The following ERCC4 variants were observed in gnomAD, a reference collection of about 807,000 sequenced individuals.
ERCC4 encodes ERCC excision repair 4, endonuclease catalytic subunit, also known as DNA repair endonuclease XPF.
A neutral mutation model predicts 76.9 loss-of-function variants in ERCC4; 65 were observed. That is an observed-to-expected ratio of 0.84 (90% confidence interval 0.69 to 1.04). ERCC4 has a LOEUF of 1.04. Among genes scored for constraint, ERCC4 ranks in the 50% least tolerant of loss-of-function variants. ERCC4 has a pLI of 0.00. For synonymous variants in ERCC4, 463 were observed against 410.1 expected (o/e 1.13, Z -1.56); for missense variants, 1,214 against 1,128.2 (o/e 1.08, Z -1.09).
At chr16:13,928,641 G>A (rs1004287399) in intron 4 of ERCC4, among the ~76,000 whole-genome samples, 3 of 152,108 alleles carry the variant, frequency 2.0e-5, no homozygotes, top group African/African-American at 7.2e-5. Context: ...TCATTACTGA[G>A]GAGTGTGAAA....
intron 4 of ERCC4, among the ~76,000 whole-genome samples, 159 bp downstream of exon 4, chr16:13,928,394 A>C (rs2032110196): frequency 2.0e-5 from 3 of 152,242 alleles, no homozygotes; most frequent in Admixed American, 1.3e-4. Flanking sequence ...CTGGAAAGTA[A>C]TAATTTATAG....
chr16:13,928,759 A>G (rs929501722), intron 4 of ERCC4, among the ~76,000 whole-genome samples: 1 of 152,164 alleles, frequency 6.6e-6, no homozygotes, highest in Non-Finnish European at 1.5e-5. Flanking sequence ...TTGCAGATAT[A>G]TAAATGTCTA....
chr16:13,951,206 T>C lies in ERCC4; in HGVS notation c.*2859T>C, dbSNP rs2032623860. ...TAATCTTTGGTAAAGGAACTAGAGA[T>C]GCATGCAGTTGCAAAATTAATGTAT... is the stretch of plus-strand genomic sequence containing the variant. On this transcript the variant is annotated 3_prime_UTR_variant, in exon 11 of 11. Coordinates refer to ENST00000311895, the MANE Select transcript of ERCC4 (RefSeq NM_005236.3). The C allele has an allele frequency of 5.4e-6, 1 of 184,642 alleles. No homozygotes were observed. The highest frequency in any genetic ancestry group is 2.3e-5 in the African/African-American group (1 of 42,670). 11.4% of individuals were successfully genotyped at this position (184,642 alleles called of 1,614,324 possible).
intron 1 of ERCC4, 118 bp from the exon 2 acceptor site, chr16:13,921,913 A>G (rs889499753): frequency 1.7e-4 from 116 of 684,854 alleles, no homozygotes; most frequent in Non-Finnish European, 2.6e-4. Context: ...CTTAGTGTGT[A>G]TATTCATTAT....
At position 13,935,672 on chromosome 16, in the gene ERCC4, T is replaced by G. The variant is rs374556359; in HGVS notation, c.1740T>G (p.Leu580=). ...AAGTGGAGCCAAGATACGTGGTTCT[T>G]TATGACGCAGAGCTAACCTTTGTTC... ...LHEVEPRYVV[L]YDAELTFVRQ... is the part of the protein sequence containing the mutation. Residue 580 remains leucine, a synonymous_variant, in exon 8 of 11, where the codon CTT becomes CTG. Transcript: ENST00000311895. The G allele has an allele frequency of 9.3e-6, 15 of 1,613,990 alleles. No individual in the cohort carries two copies. In the African/African-American group the frequency reaches 1.5e-4, roughly 16 times the overall value.
intron 2 of ERCC4, among the ~76,000 whole-genome samples, chr16:13,926,115 C>T (rs1254679442): frequency 6.6e-6 from 1 of 151,692 alleles, no homozygotes; most frequent in Non-Finnish European, 1.5e-5. Context: ...CTGATTCATA[C>T]ATTAAAAAAA....
intron 9 of ERCC4, among the ~76,000 whole-genome samples, chr16:13,940,536 C>T (rs2032393237): frequency 6.6e-6 from 1 of 152,144 alleles, no homozygotes; most frequent in African/African-American, 2.4e-5. Flanking sequence ...AGTGTGTGAC[C>T]ACACATGCAA....
Position 13,928,026 on chromosome 16 carries a change from A to C in ERCC4, c.585-2A>C. On this transcript the variant is annotated splice_acceptor_variant, in intron 3 of 10. Coordinates refer to ENST00000311895, the MANE Select transcript of ERCC4 (RefSeq NM_005236.3). LOFTEE classifies it high-confidence loss of function. ...ATTGTTGAAAAATATTTGTCTCTTT[A>C]GGTTCCATGTAGCAGTAAACTCATT... 6.2e-7 allele frequency: 1 copy of C among 1,609,340 alleles called. No individual in the cohort carries two copies. The highest frequency in any genetic ancestry group is 1.1e-5 in the South Asian group (1 of 90,978).
In ERCC4 at chr16:13,948,213, A is replaced by G. The variant is rs2020957; in HGVS notation, c.2617A>G (p.Ile873Val). 1,705 of 1,614,196 alleles carry G rather than the reference A, an allele frequency of 1.1e-3. 11 individuals carry two copies. In the African/African-American group the frequency reaches 0.02, roughly 19 times the overall value. Residue 873 changes from isoleucine (I) to valine (V), a missense_variant, in exon 11 of 11, where the codon ATC becomes GTC. Ile to Val is a conservative substitution (Grantham distance 29). Transcript: ENST00000311895. ...CTCCTTGATGCACCACGTTAAGAACATCGCAGAATTAGCAGCCCTGTCACA... is the reference window on the plus strand; with the variant it reads ...CTCCTTGATGCACCACGTTAAGAACGTCGCAGAATTAGCAGCCCTGTCACA... Reference protein sequence around the residue: ...CRSLMHHVKNIAELAALSQDE... With the variant: ...CRSLMHHVKNVAELAALSQDE...
At chr16:13,936,903 T>A (rs2032309246) in intron 8 of ERCC4, among the ~76,000 whole-genome samples, 2 of 151,568 alleles carry the variant, frequency 1.3e-5, no homozygotes, top group African/African-American at 4.9e-5. Flanking sequence ...CAGGCCTTTT[T>A]TTTTTTTCCT....
rs2032597990 is a variant in ERCC4, at chr16:13,949,861, A to G, written c.*1514A>G. The G allele has an allele frequency of 8.6e-6, 2 of 232,510 alleles. No homozygotes were observed. Among genetic ancestry groups the G allele is most frequent in the East Asian group, 1.2e-4 (2 of 16,412 alleles). 14.4% of individuals were successfully genotyped at this position (232,510 alleles called of 1,614,324 possible). A position where few individuals can be genotyped will look rare whatever the true frequency, so the allele number is the denominator to read the frequency against. ...TCTGCTAGCCATATCACATATTTTAATGTTTCATCAACATCAGCTGTTTTT... is the reference window on the plus strand; with the variant it reads ...TCTGCTAGCCATATCACATATTTTAGTGTTTCATCAACATCAGCTGTTTTT... On this transcript the variant is annotated 3_prime_UTR_variant, in exon 11 of 11. Transcript: ENST00000311895.
intron 8 of ERCC4, 106 bp downstream of exon 8, chr16:13,935,849 G>T: frequency 1.1e-6 from 1 of 905,700 alleles, no homozygotes. Flanking sequence ...TTACGATGCT[G>T]CTTATGTTTA....
rs754622238 is a variant in ERCC4 at position 13,920,206 on chromosome 16, C to T, written c.41C>T (p.Pro14Leu). ...CCGGCTCGACGGATTGCCATGGCGC[C>T]GCTGCTGGAGTACGAGCGACAGCTG... ...GQPARRIAMAPLLEYERQLVL... is the reference protein window; with the variant it reads ...GQPARRIAMALLLEYERQLVL... The change falls in exon 1 of 11, where the codon CCG becomes CTG. Residue 14 changes from proline to leucine, a missense_variant. Physicochemically the swap from Pro to Leu is moderately conservative, Grantham distance 98. Transcript: ENST00000311895. The T allele has an allele frequency of 8.7e-6, 14 of 1,607,238 alleles. No individual in the cohort carries two copies. In the East Asian group the frequency reaches 1.8e-4, roughly 20 times the overall value.
chr16:13,945,770 T>C (rs2032501702), intron 10 of ERCC4, among the ~76,000 whole-genome samples: 2 of 152,130 alleles, frequency 1.3e-5, no homozygotes, highest in Non-Finnish European at 1.5e-5. Context: ...ATCAACCAGG[T>C]TGTTGACATT....
At chr16:13,943,660 A>G (rs2032457926) in intron 9 of ERCC4, among the ~76,000 whole-genome samples, 1 of 152,080 alleles carries the variant, frequency 6.6e-6, no homozygotes. Flanking sequence ...GTTGAAATTA[A>G]TTAACATTGA....
At chr16:13,945,988 G>A (rs994940663) in intron 10 of ERCC4, among the ~76,000 whole-genome samples, 8 of 152,182 alleles carry the variant, frequency 5.3e-5, no homozygotes, top group Admixed American at 6.5e-5. Context: ...GGTTTCACAA[G>A]GCTAAAATCA....
chr16:13,941,035 T>G (rs548320763), intron 9 of ERCC4, among the ~76,000 whole-genome samples: 1 of 152,268 alleles, frequency 6.6e-6, no homozygotes, highest in African/African-American at 2.4e-5. Flanking sequence ...AAAGAGCACT[T>G]TTAGTAGATA....
chr16:13,931,278 A>C (rs2032166685), intron 5 of ERCC4: 3 of 226,236 alleles, frequency 1.3e-5, no homozygotes, highest in Middle Eastern at 1.9e-3. Flanking sequence ...CCAAAGACTG[A>C]AGAGCAGAAG....
At position 13,951,706 on chromosome 16, in the gene ERCC4, A is replaced by G. The variant is rs2032632495; in HGVS notation, c.*3359A>G. On this transcript the variant is annotated 3_prime_UTR_variant, in exon 11 of 11. Transcript: ENST00000311895. ...AATATAGAATTAATAAATGGCCTTC[A>G]GTAGGAAAACCTACACTAAAGCAAA... 1 of 219,988 alleles carries G rather than the reference A, an allele frequency of 4.5e-6. No individual in the cohort carries two copies. Among genetic ancestry groups the G allele is most frequent in the East Asian group, 6.7e-5 (1 of 14,950 alleles). The allele number at this position is 219,988 out of a possible 1,614,324, so 13.6% of individuals were successfully genotyped here.
Sources: gnomAD v4.1 joint callset for allele counts (sites outside exome capture counted in the v4.1 genomes callset) on GRCh38, gnomAD v4.1.1 for gene constraint, MANE v1.5 for transcripts, NCBI Gene and HGNC (gene_info 2026-07-23, HGNC 2026-07-21) for gene names.